Variants in LRRTM4 observed in about 807,000 individuals in gnomAD.
LRRTM4 encodes leucine-rich repeat transmembrane neuronal protein 4.
A neutral mutation model predicts 47.6 loss-of-function variants in LRRTM4; 25 were observed. The observed-to-expected ratio is 0.53, with a 90% CI of 0.38 to 0.73. LRRTM4 has a LOEUF of 0.73. Ranked by LOEUF, LRRTM4 falls within the 30% of genes least tolerant of loss-of-function variation. The pLI is 0.00. For missense variants in LRRTM4, 638 were observed against 713.4 expected, an observed-to-expected ratio of 0.89 and a Z score of 1.20; for synonymous variants, 311 against 269.5, an observed-to-expected ratio of 1.15 and a Z score of -1.51.
At chr2:76,792,635 T>C (rs1436777696) in intron 3 of LRRTM4, among the ~76,000 whole-genome samples, 1 of 152,144 alleles carries the variant, frequency 6.6e-6, no homozygotes, top group Non-Finnish European at 1.5e-5. Flanking sequence ...GTAGTAATGT[T>C]GCTCCTGCTA....
intron 3 of LRRTM4, among the ~76,000 whole-genome samples, chr2:77,445,526 G>A (rs1056054735): frequency 5.9e-5 from 9 of 151,614 alleles, no homozygotes; most frequent in South Asian, 4.2e-4. Context: ...ATCTTCAAAC[G>A]ATTTCTGAGT....
chr2:77,270,947 C>G (rs1273221545), intron 3 of LRRTM4, among the ~76,000 whole-genome samples: 1 of 152,168 alleles, frequency 6.6e-6, no homozygotes, highest in Non-Finnish European at 1.5e-5. Flanking sequence ...AATCAGCATG[C>G]AATCCCCATT....
chr2:77,033,830 C>G (rs1678746096), intron 3 of LRRTM4, among the ~76,000 whole-genome samples: 1 of 151,534 alleles, frequency 6.6e-6, no homozygotes, highest in African/African-American at 2.4e-5. Flanking sequence ...AAATAATTAA[C>G]TTATAAAGGA....
chr2:76,884,596 C>T (rs957444022), intron 3 of LRRTM4, among the ~76,000 whole-genome samples: 23 of 151,954 alleles, frequency 1.5e-4, no homozygotes, highest in African/African-American at 5.6e-4. Flanking sequence ...TTATTATGTA[C>T]ATTAATATGT....
At chr2:76,862,155 A>C (rs1182956335) in intron 3 of LRRTM4, among the ~76,000 whole-genome samples, 1 of 151,924 alleles carries the variant, frequency 6.6e-6, no homozygotes, top group Non-Finnish European at 1.5e-5. Context: ...TTTCAACTAC[A>C]TTAAAATTAA....
At chr2:76,991,213 A>G (rs1161680364) in intron 3 of LRRTM4, among the ~76,000 whole-genome samples, 1 of 151,662 alleles carries the variant, frequency 6.6e-6, no homozygotes, top group African/African-American at 2.4e-5. Context: ...CAAATTAATG[A>G]TCTAACATTA....
At chr2:77,468,959 C>G (rs758975385) in intron 3 of LRRTM4, among the ~76,000 whole-genome samples, 6 of 152,182 alleles carry the variant, frequency 3.9e-5, no homozygotes, top group Non-Finnish European at 8.8e-5. Flanking sequence ...TCCGTTTTTA[C>G]TACATTTGTA....
At chr2:77,066,971 G>C (rs1217117829) in intron 3 of LRRTM4, among the ~76,000 whole-genome samples, 1 of 152,148 alleles carries the variant, frequency 6.6e-6, no homozygotes. Context: ...GATTCCCCAT[G>C]GGGGAAGTGC....
At chr2:76,943,146 A>G (rs764638092) in intron 3 of LRRTM4, among the ~76,000 whole-genome samples, 3 of 152,134 alleles carry the variant, frequency 2.0e-5, no homozygotes, top group South Asian at 2.1e-4. Flanking sequence ...GAAAATACCA[A>G]TCCCTGGAGC....
At chr2:77,179,649 T>TA (rs1673296875) in intron 3 of LRRTM4, among the ~76,000 whole-genome samples, 1 of 152,090 alleles carries the variant, frequency 6.6e-6, no homozygotes, top group South Asian at 2.1e-4. Context: ...AATTAGACCA[T>TA]AAAACTGTCC....
intron 3 of LRRTM4, among the ~76,000 whole-genome samples, chr2:77,102,085 A>C (rs930102752): frequency 6.6e-6 from 1 of 152,202 alleles, no homozygotes; most frequent in Non-Finnish European, 1.5e-5. Flanking sequence ...ACATTGGGCA[A>C]CTGGCTCCAG....
chr2:77,204,667 C>T (rs1573073951), intron 3 of LRRTM4, among the ~76,000 whole-genome samples: 1 of 152,114 alleles, frequency 6.6e-6, no homozygotes, highest in African/African-American at 2.4e-5. Context: ...CAAATCATAA[C>T]ACTTTCTGTG....
intron 3 of LRRTM4, among the ~76,000 whole-genome samples, chr2:77,350,176 A>C (rs1375554578): frequency 6.8e-6 from 1 of 148,054 alleles, no homozygotes; most frequent in East Asian, 2.0e-4. Context: ...AATACAAAAA[A>C]TTAGCCGGGC....
intron 3 of LRRTM4, among the ~76,000 whole-genome samples, chr2:77,281,316 G>C (rs1676500613): frequency 6.6e-6 from 1 of 151,828 alleles, no homozygotes; most frequent in African/African-American, 2.4e-5. Flanking sequence ...GATTTCTGTA[G>C]ATGGTTATGA....
chr2:76,800,859 A>T lies in LRRTM4; in HGVS notation c.1552-51943T>A, dbSNP rs1422153239. 2.6e-5 allele frequency among the ~76,000 whole-genome samples: 4 copies of T among 150,950 alleles called. 1 individual carries two copies. The South Asian group carries it at 8.5e-4, about 32-fold the overall frequency. The stretch of plus-strand genomic sequence containing the variant: ...CCAAAAAACACATGAAAAAATGCTC[A>T]TCATCACTGGCCATCAGAAAATGCA... On this transcript the variant is annotated intron_variant, in intron 3 of 3. Coordinates refer to ENST00000409884, the MANE Select transcript of LRRTM4 (RefSeq NM_001134745.3).
At chr2:77,328,468 C>T (rs1219101529) in intron 3 of LRRTM4, among the ~76,000 whole-genome samples, 3 of 152,142 alleles carry the variant, frequency 2.0e-5, no homozygotes, top group Non-Finnish European at 4.4e-5. Flanking sequence ...CCCTCCCTTC[C>T]TTCTTTCTTT....
At chr2:76,807,418 A>ACG (rs1444577047) in intron 3 of LRRTM4, among the ~76,000 whole-genome samples, 14 of 84,570 alleles carry the variant, frequency 1.7e-4, no homozygotes, top group Admixed American at 1.2e-3. Context: ...GTATATATAT[A>ACG]TATATACATA....
intron 3 of LRRTM4, among the ~76,000 whole-genome samples, chr2:77,189,830 A>G (rs1673616667): frequency 6.6e-6 from 1 of 152,074 alleles, no homozygotes. Context: ...TATATACATA[A>G]CTACTTATAA....
chr2:76,812,796 CCCCT>C, intron 3 of LRRTM4, among the ~76,000 whole-genome samples: 1 of 130,856 alleles, frequency 7.6e-6, no homozygotes, highest in Middle Eastern at 3.9e-3. Flanking sequence ...CTCCCTCCCC[CCCCT>C]CCTCCTCCTT....
Sources: gnomAD v4.1 joint callset for allele counts (sites outside exome capture counted in the v4.1 genomes callset) on GRCh38, gnomAD v4.1.1 for gene constraint, MANE v1.5 for transcripts, NCBI Gene and HGNC (gene_info 2026-07-23, HGNC 2026-07-21) for gene names.